NXPH1: variants seen among roughly 807,000 people sequenced by gnomAD.
NXPH1 encodes the protein neurexophilin 1.
In NXPH1, 5 loss-of-function variants were observed where a neutral mutation model predicts 23.7. That is an observed-to-expected ratio of 0.21 (90% CI 0.11 to 0.44). NXPH1 has a LOEUF of 0.44. Among genes scored for constraint, NXPH1 ranks in the 20% least tolerant of loss-of-function variants. The pLI is 0.99. For synonymous variants in NXPH1, 144 were observed against 122.2 expected, an observed-to-expected ratio of 1.18 and a Z score of -1.18; for missense variants, 324 against 321.6, an observed-to-expected ratio of 1.01 and a Z score of -0.06.
intron 2 of NXPH1, among the ~76,000 whole-genome samples, chr7:8,604,855 G>C (rs1272214188): frequency 6.6e-6 from 1 of 152,106 alleles, no homozygotes; most frequent in Non-Finnish European, 1.5e-5. Flanking sequence ...GAAGTCTGTA[G>C]CCTCAAATAA....
intron 2 of NXPH1, among the ~76,000 whole-genome samples, chr7:8,581,980 G>C (rs568479095): frequency 6.6e-6 from 1 of 152,320 alleles, no homozygotes; most frequent in Admixed American, 6.5e-5. Context: ...GACAGGTGCA[G>C]AGTGGTGAGG....
chr7:8,696,391 TGAG>T (rs1006776963), intron 2 of NXPH1, among the ~76,000 whole-genome samples: 45 of 152,294 alleles, frequency 3.0e-4, no homozygotes, highest in African/African-American at 9.1e-4. Context: ...TCTTACATTC[TGAG>T]GAGGAGTATT....
intron 2 of NXPH1, among the ~76,000 whole-genome samples, chr7:8,552,741 C>T (rs1217557710): frequency 6.6e-6 from 1 of 151,520 alleles, no homozygotes; most frequent in Non-Finnish European, 1.5e-5. Context: ...GATTACTGCA[C>T]TGTATTTATT....
At chr7:8,710,104 T>C (rs562297230) in intron 2 of NXPH1, among the ~76,000 whole-genome samples, 36 of 152,238 alleles carry the variant, frequency 2.4e-4, no homozygotes, top group Non-Finnish European at 4.9e-4. Flanking sequence ...GTATTGATAC[T>C]GTTTTAAAGC....
In NXPH1 at chr7:8,532,122, C is replaced by T. The variant is rs1448045534; in HGVS notation, c.54+96355C>T. 6.6e-5 allele frequency among the ~76,000 whole-genome samples: 10 copies of T among 152,230 alleles called. No homozygotes were observed. In the South Asian group the frequency reaches 1.9e-3, roughly 28 times the overall value. ...CCTCTCTAGCAAATGAACTTTACAA[C>T]CCGCTTTAGCTTACAGACTCTTAGT... On this transcript the variant is annotated intron_variant, in intron 2 of 2. Transcript: ENST00000405863.
At chr7:8,585,819 A>G (rs1026195091) in intron 2 of NXPH1, among the ~76,000 whole-genome samples, 5 of 152,198 alleles carry the variant, frequency 3.3e-5, no homozygotes, top group Non-Finnish European at 7.3e-5. Context: ...ATTCTTTTTC[A>G]TGCCAATTTG....
At chr7:8,739,368 C>T (rs1396751347) in intron 2 of NXPH1, among the ~76,000 whole-genome samples, 1 of 152,022 alleles carries the variant, frequency 6.6e-6, no homozygotes, top group African/African-American at 2.4e-5. Flanking sequence ...CTTCAAGGCA[C>T]ATTCTCTCAC....
intron 2 of NXPH1, among the ~76,000 whole-genome samples, chr7:8,529,226 C>T (rs971180650): frequency 3.9e-5 from 6 of 152,232 alleles, no homozygotes; most frequent in African/African-American, 1.4e-4. Context: ...CCCAAATAAT[C>T]TACAGTAATA....
intron 2 of NXPH1, among the ~76,000 whole-genome samples, chr7:8,676,972 A>G (rs1029746884): frequency 6.6e-6 from 1 of 152,212 alleles, no homozygotes; most frequent in African/African-American, 2.4e-5. Context: ...TACACTGTTC[A>G]GCAAATACTG....
intron 2 of NXPH1, among the ~76,000 whole-genome samples, chr7:8,644,093 C>T (rs1820359228): frequency 6.6e-6 from 1 of 152,144 alleles, no homozygotes; most frequent in Admixed American, 6.5e-5. Context: ...ATAGTTATCT[C>T]CCTGTCTTTT....
intron 2 of NXPH1, among the ~76,000 whole-genome samples, chr7:8,466,610 A>G (rs910618927): frequency 1.3e-5 from 2 of 152,242 alleles, no homozygotes; most frequent in Admixed American, 1.3e-4. Context: ...ACGTATTCTT[A>G]GTTTTTAGTA....
intron 2 of NXPH1, among the ~76,000 whole-genome samples, chr7:8,735,349 G>A (rs1348851409): frequency 6.6e-6 from 1 of 152,278 alleles, no homozygotes; most frequent in East Asian, 1.9e-4. Flanking sequence ...TTTCTAGCAT[G>A]AAGGGTTGAG....
chr7:8,461,666 T>A (rs1045568082), intron 2 of NXPH1, among the ~76,000 whole-genome samples: 11 of 150,014 alleles, frequency 7.3e-5, no homozygotes, highest in Admixed American at 6.6e-4. Context: ...CCGTCTCTAC[T>A]AAAAATACAA....
chr7:8,722,175 T>G (rs926874037), intron 2 of NXPH1, among the ~76,000 whole-genome samples: 1 of 152,204 alleles, frequency 6.6e-6, no homozygotes, highest in Non-Finnish European at 1.5e-5. Flanking sequence ...GAATAATTTT[T>G]TAAAAATTTT....
At chr7:8,710,326 G>C (rs996863604) in intron 2 of NXPH1, among the ~76,000 whole-genome samples, 3 of 152,166 alleles carry the variant, frequency 2.0e-5, no homozygotes, top group African/African-American at 7.2e-5. Context: ...CAGGCAGCTG[G>C]GGCAAATGGG....
chr7:8,586,501 C>T (rs1032531671), intron 2 of NXPH1, among the ~76,000 whole-genome samples: 19 of 151,874 alleles, frequency 1.3e-4, no homozygotes, highest in Non-Finnish European at 2.6e-4. Flanking sequence ...AGAGAAGTTT[C>T]CAAAGAAGAC....
chr7:8,685,408 C>A (rs1054118085), intron 2 of NXPH1, among the ~76,000 whole-genome samples: 3 of 151,350 alleles, frequency 2.0e-5, no homozygotes, highest in African/African-American at 7.3e-5. Flanking sequence ...TCTCTAGTTC[C>A]ATCCATGTTG....
intron 2 of NXPH1, among the ~76,000 whole-genome samples, chr7:8,612,970 A>G (rs967074716): frequency 1.3e-5 from 2 of 152,062 alleles, no homozygotes; most frequent in Admixed American, 1.3e-4. Flanking sequence ...TGACCAGGGA[A>G]TGCAGACTAA....
rs564801638 is a variant in NXPH1, at chr7:8,516,434, T to A, written c.54+80667T>A. Among the ~76,000 whole-genome samples the A allele has an allele frequency of 2.7e-3, 417 of 152,274 alleles. 5 individuals are homozygous for A. The highest frequency in any genetic ancestry group is 1.2e-3 in the Non-Finnish European group (82 of 68,010). ...GTAATAAACACAAAGAGCATTACAG[T>A]GAGCATCAAATGATGATTTAATACT... On this transcript the variant is annotated intron_variant, in intron 2 of 2. Transcript: ENST00000405863.
Sources: allele counts gnomAD v4.1 joint callset (sites outside exome capture counted in the v4.1 genomes callset), GRCh38; gene constraint gnomAD v4.1.1; transcripts MANE v1.5; gene names NCBI Gene and HGNC (gene_info 2026-07-23, HGNC 2026-07-21).